USP12: variants seen among roughly 807,000 people sequenced by gnomAD.
USP12 encodes the protein ubiquitin carboxyl-terminal hydrolase 12.
In USP12, 19 loss-of-function variants were observed where a neutral mutation model predicts 45.5. That is an observed-to-expected ratio of 0.42 (90% CI 0.29 to 0.61). USP12 has a LOEUF of 0.61. Ranked by LOEUF, USP12 falls within the 20% of genes least tolerant of loss-of-function variation. The pLI is 0.22. For missense variants in USP12, 242 were observed against 447.7 expected (o/e 0.54, Z 4.15); for synonymous variants, 149 against 148.8 (o/e 1.00, Z -0.01).
intron 1 of USP12, among the ~76,000 whole-genome samples, chr13:27,131,610 A>AT (rs1175674900): frequency 3.3e-5 from 5 of 152,222 alleles, no homozygotes; most frequent in African/African-American, 1.2e-4. Flanking sequence ...TCTTTAACCT[A>AT]TGTAAAAGTC....
intron 3 of USP12, among the ~76,000 whole-genome samples, chr13:27,096,238 C>A (rs964166032): frequency 3.3e-5 from 5 of 152,188 alleles, no homozygotes; most frequent in African/African-American, 1.2e-4. Flanking sequence ...CAAAGTTTAT[C>A]AAAAATAAAT....
chr13:27,105,525 A>G (rs949564019), intron 3 of USP12, among the ~76,000 whole-genome samples: 1 of 152,232 alleles, frequency 6.6e-6, no homozygotes, highest in African/African-American at 2.4e-5. Context: ...ACGCAATGCA[A>G]ACATTAACCG....
rs925066511 is a variant in USP12, at chr13:27,067,422, G to C, written c.*1861C>G. 3 of 152,086 alleles carry C rather than the reference G, an allele frequency of 2.0e-5. No homozygotes were observed. The highest frequency in any genetic ancestry group is 7.2e-5 in the African/African-American group (3 of 41,406). The allele number at this position is 152,086 out of a possible 1,614,324, so 9.4% of individuals were successfully genotyped here. ...CTGTGGCATGTTGGTAGATCAGGCTGGCTTATATATAATTTGTACAAAACA... is the reference window on the plus strand; with the variant it reads ...CTGTGGCATGTTGGTAGATCAGGCTCGCTTATATATAATTTGTACAAAACA... On this transcript the variant is annotated 3_prime_UTR_variant, in exon 9 of 9. Coordinates refer to ENST00000282344, the MANE Select transcript of USP12 (RefSeq NM_182488.4).
chr13:27,144,869 G>A (rs1877242010), intron 1 of USP12, among the ~76,000 whole-genome samples: 3 of 151,008 alleles, frequency 2.0e-5, no homozygotes, highest in South Asian at 4.2e-4. Context: ...AGACCAGCCC[G>A]GGTAATAGGG....
At chr13:27,145,757 C>A (rs1237815192) in intron 1 of USP12, among the ~76,000 whole-genome samples, 1 of 151,854 alleles carries the variant, frequency 6.6e-6, no homozygotes, top group Admixed American at 6.6e-5. Flanking sequence ...CTCTATACCA[C>A]AAAATTTTGT....
At chr13:27,073,658 G>A (rs986466238) in intron 7 of USP12, among the ~76,000 whole-genome samples, 4 of 152,120 alleles carry the variant, frequency 2.6e-5, no homozygotes, top group Non-Finnish European at 5.9e-5. Context: ...GAGGCTAATC[G>A]GTGTGAGAAA....
At chr13:27,146,432 G>A (rs142710874) in intron 1 of USP12, among the ~76,000 whole-genome samples, 1 of 151,650 alleles carries the variant, frequency 6.6e-6, no homozygotes, top group Admixed American at 6.6e-5. Context: ...TAACGCACAC[G>A]GCTAAAGGCT....
At chr13:27,095,233 T>C (rs918722080) in intron 4 of USP12, among the ~76,000 whole-genome samples, 7 of 152,124 alleles carry the variant, frequency 4.6e-5, no homozygotes, top group African/African-American at 1.7e-4. Context: ...ATCCCAACAA[T>C]GGATACTAAA....
chr13:27,125,998 T>G (rs1428715041), intron 1 of USP12, among the ~76,000 whole-genome samples: 1 of 152,232 alleles, frequency 6.6e-6, no homozygotes, highest in South Asian at 2.1e-4. Flanking sequence ...CCACCACAGC[T>G]CAGCAAGGCC....
chr13:27,130,444 C>A (rs1333552114), intron 1 of USP12, among the ~76,000 whole-genome samples: 1 of 151,110 alleles, frequency 6.6e-6, no homozygotes, highest in African/African-American at 2.4e-5. Flanking sequence ...TGGATGACTG[C>A]AAGCCTCAAA....
intron 3 of USP12, among the ~76,000 whole-genome samples, chr13:27,101,070 G>T (rs1209574283): frequency 6.6e-6 from 1 of 152,210 alleles, no homozygotes; most frequent in East Asian, 1.9e-4. Context: ...ACAGAGCAAT[G>T]ATTTCATATT....
intron 2 of USP12, among the ~76,000 whole-genome samples, chr13:27,106,211 C>T (rs926385899): frequency 2.0e-5 from 3 of 152,042 alleles, no homozygotes; most frequent in Admixed American, 6.6e-5. Flanking sequence ...TCCCCTGAAA[C>T]GTTACATGAA....
At chr13:27,132,502 G>A (rs781549579) in intron 1 of USP12, among the ~76,000 whole-genome samples, 2 of 152,122 alleles carry the variant, frequency 1.3e-5, no homozygotes, top group Admixed American at 6.5e-5. Flanking sequence ...ACTGCCCCTC[G>A]AAGGAGACTC....
At chr13:27,107,834 T>C (rs1476325571) in intron 2 of USP12, among the ~76,000 whole-genome samples, 2 of 152,098 alleles carry the variant, frequency 1.3e-5, no homozygotes, top group Non-Finnish European at 2.9e-5. Context: ...CACAATGAGA[T>C]ACCATCTCAC....
Position 27,114,733 on chromosome 13 carries a change from A to G in USP12, c.129+1783T>C, listed in dbSNP as rs1875630164. Among the ~76,000 whole-genome samples the G allele has an allele frequency of 2.6e-5, 4 of 151,788 alleles. 1 individual carries two copies. The South Asian group carries it at 8.3e-4, about 32-fold the overall frequency. On this transcript the variant is annotated intron_variant, in intron 2 of 8. Transcript: ENST00000282344. ...CAACTACTCTGTTTAATTTTCTGCTAGGTTAATCTGTGGGTATTTTCCTCC... is the reference window on the plus strand; with the variant it reads ...CAACTACTCTGTTTAATTTTCTGCTGGGTTAATCTGTGGGTATTTTCCTCC...
intron 1 of USP12, among the ~76,000 whole-genome samples, chr13:27,155,052 T>C (rs1042557062): frequency 4.0e-5 from 6 of 149,352 alleles, no homozygotes; most frequent in East Asian, 2.0e-4. Flanking sequence ...TTTTTTTTTT[T>C]CTGATGTCCA....
At chr13:27,122,726 A>C (rs1316135510) in intron 1 of USP12, among the ~76,000 whole-genome samples, 1 of 152,180 alleles carries the variant, frequency 6.6e-6, no homozygotes, top group East Asian at 1.9e-4. Flanking sequence ...AAACAAGGTT[A>C]ATATCAGATA....
rs1285157204 is a variant in USP12 at position 27,069,152 on chromosome 13, C to T, written c.*131G>A. 5.6e-6 allele frequency: 4 copies of T among 718,622 alleles called. No individual in the cohort carries two copies. The highest frequency in any genetic ancestry group is 3.6e-5 in the African/African-American group (2 of 55,834). The allele number at this position is 718,622 out of a possible 1,614,324, so 44.5% of individuals were successfully genotyped here. A position where few individuals can be genotyped will look rare whatever the true frequency, so the allele number is the denominator to read the frequency against. ...TGTCAATCCATCGTCTTTGCTTTAT[C>T]GTGTGCAAAGTGTGCTACTGCCCCC... On this transcript the variant is annotated 3_prime_UTR_variant, in exon 9 of 9. Coordinates refer to ENST00000282344, the MANE Select transcript of USP12 (RefSeq NM_182488.4).
At chr13:27,085,999 A>C (rs931961349) in intron 6 of USP12, among the ~76,000 whole-genome samples, 3 of 151,598 alleles carry the variant, frequency 2.0e-5, no homozygotes, top group African/African-American at 7.3e-5. Flanking sequence ...GAGCCCGTCT[A>C]TAAAAAATAA....
Sources: allele counts gnomAD v4.1 joint callset (sites outside exome capture counted in the v4.1 genomes callset), GRCh38; gene constraint gnomAD v4.1.1; transcripts MANE v1.5; gene names NCBI Gene and HGNC (gene_info 2026-07-23, HGNC 2026-07-21).